The following PABPC1L variants were observed in gnomAD, a reference collection of about 807,000 sequenced individuals.
PABPC1L encodes the protein polyadenylate-binding protein 1-like.
A neutral mutation model predicts 66.6 loss-of-function variants in PABPC1L; 31 were observed. The ratio of observed to expected loss-of-function variants is 0.47; its 90% CI spans 0.35 to 0.63. The LOEUF is 0.63. Among genes scored for constraint, PABPC1L ranks in the 20% least tolerant of loss-of-function variants. The pLI is 0.00. For missense variants in PABPC1L, 722 were observed against 848.8 expected (o/e 0.85, Z 1.86); for synonymous variants, 348 against 335.1 (o/e 1.04, Z -0.42).
chr20:44,927,832 G>T (rs1298285714), intron 7 of PABPC1L, among the ~76,000 whole-genome samples: 1 of 152,010 alleles, frequency 6.6e-6, no homozygotes, highest in Non-Finnish European at 1.5e-5. Flanking sequence ...TGAGACTATA[G>T]GAGCACCACT....
intron 2 of PABPC1L, among the ~76,000 whole-genome samples, chr20:44,916,324 G>A (rs1316863324): frequency 1.3e-5 from 2 of 152,164 alleles, no homozygotes; most frequent in Non-Finnish European, 2.9e-5. Flanking sequence ...CCAGGATGGA[G>A]TTCAGTGGTG....
At chr20:44,938,365 G>C (rs1216388894) in intron 13 of PABPC1L, among the ~76,000 whole-genome samples, 174 bp downstream of exon 13, 1 of 152,224 alleles carries the variant, frequency 6.6e-6, no homozygotes, top group Non-Finnish European at 1.5e-5. Flanking sequence ...GTAAGGGTTT[G>C]CTACTTCAGC....
chr20:44,910,203 C>G lies in PABPC1L; in HGVS notation c.60C>G (p.Pro20=). The G allele has an allele frequency of 6.3e-7, 1 of 1,580,434 alleles. No homozygotes were observed. Among genetic ancestry groups the G allele is most frequent in the Non-Finnish European group, 8.6e-7 (1 of 1,163,510 alleles). ...LASLYVGDLH[P]DVTEAMLYEK... ...CGCTTTACGTGGGCGATCTGCACCC[C>G]GACGTGACCGAGGCCATGCTCTATG... Residue 20 remains proline (P), a synonymous_variant, in exon 1 of 15, where the codon CCC becomes CCG. Coordinates refer to ENST00000217073, the MANE Select transcript of PABPC1L (RefSeq NM_001372179.1).
chr20:44,910,343 C>T lies in PABPC1L; in HGVS notation c.193+7C>T, dbSNP rs1009901534. Reference sequence around the variant, plus strand: ...TTCCAGCAGCCCGCGGACGGTGAGCCCCGGGGATGGGGCGGGAGGGGAAGG... The same window carrying T: ...TTCCAGCAGCCCGCGGACGGTGAGCTCCGGGGATGGGGCGGGAGGGGAAGG... On this transcript the variant is annotated splice_region_variant and intron_variant, in intron 1 of 14. Transcript: ENST00000217073. 1.3e-6 allele frequency: 2 copies of T among 1,499,328 alleles called. No individual in the cohort carries two copies. The highest frequency in any genetic ancestry group is 1.3e-5 in the South Asian group (1 of 79,442). The allele number at this position is 1,499,328 out of a possible 1,614,324, so 92.9% of individuals were successfully genotyped here. A position where few individuals can be genotyped will look rare whatever the true frequency, so the allele number is the denominator to read the frequency against.
chr20:44,923,038 A>G (rs545845194), intron 6 of PABPC1L, among the ~76,000 whole-genome samples: 31 of 152,336 alleles, frequency 2.0e-4, no homozygotes, highest in African/African-American at 7.2e-4. Flanking sequence ...TCATCACATA[A>G]TCTGCAAGAG....
intron 6 of PABPC1L, among the ~76,000 whole-genome samples, chr20:44,922,167 A>C (rs934688030): frequency 6.6e-6 from 1 of 152,202 alleles, no homozygotes; most frequent in African/African-American, 2.4e-5. Flanking sequence ...AATTATGTGG[A>C]GTTAATAATT....
chr20:44,919,373 C>T lies in PABPC1L; in HGVS notation c.738+96C>T, dbSNP rs1426137374. The T allele has an allele frequency of 5.8e-6, 8 of 1,380,326 alleles. No homozygotes were observed. The East Asian group carries it at 1.7e-4, about 30-fold the overall frequency. 85.5% of individuals were successfully genotyped at this position (1,380,326 alleles called of 1,614,324 possible). Reference sequence around the variant, plus strand: ...GCCTGTGGAGGGGAAGAAAGTCCCTCCCCGGCCTAAGCCAAGAGGGTGGGA... The same window carrying T: ...GCCTGTGGAGGGGAAGAAAGTCCCTTCCCGGCCTAAGCCAAGAGGGTGGGA... On this transcript the variant is annotated intron_variant, in intron 5 of 14. Transcript: ENST00000217073.
intron 5 of PABPC1L, among the ~76,000 whole-genome samples, chr20:44,920,938 A>T (rs879651861): frequency 2.1e-5 from 3 of 141,358 alleles, no homozygotes; most frequent in Non-Finnish European, 4.6e-5. Context: ...TCAGCCTCCT[A>T]AGTAGCTGGG....
rs112600533 is a variant in PABPC1L, at chr20:44,930,352, C to T, written c.973-108C>T. ...CTACATCCCTCCATCACAGCTTTCT[C>T]GCGGGCCTGCCCAGTGCTGGGCTTA... On this transcript the variant is annotated intron_variant, in intron 7 of 14. Coordinates refer to ENST00000217073, the MANE Select transcript of PABPC1L (RefSeq NM_001372179.1). The T allele has an allele frequency of 2.6e-3, 3,662 of 1,415,910 alleles. 61 individuals carry two copies. The African/African-American group carries it at 0.038, about 15-fold the overall frequency. The allele number at this position is 1,415,910 out of a possible 1,614,324, so 87.7% of individuals were successfully genotyped here. A position where few individuals can be genotyped will look rare whatever the true frequency, so the allele number is the denominator to read the frequency against.
intron 2 of PABPC1L, 147 bp downstream of exon 2, chr20:44,913,000 CTTTCAG>C (rs1181555072): frequency 2.2e-5 from 15 of 673,874 alleles, no homozygotes; most frequent in African/African-American, 2.1e-4. Context: ...GACAGCCGTT[CTTTCAG>C]TTTCATCTTC....
rs963304815 is a variant in PABPC1L, at chr20:44,931,373, C to T, written c.1239+647C>T. On this transcript the variant is annotated intron_variant, in intron 8 of 14. Transcript: ENST00000217073. ...TTTGTTTATTTTAAAGAAGGGGTCT[C>T]GCCATGTTGCCCAGGCTGGTCTCAA... Among the ~76,000 whole-genome samples, 115 of 151,840 alleles carry T rather than the reference C, an allele frequency of 7.6e-4. 1 individual carries two copies. The highest frequency in any genetic ancestry group is 2.7e-3 in the African/African-American group (110 of 41,388).
At chr20:44,927,258 C>A (rs908992949) in intron 7 of PABPC1L, among the ~76,000 whole-genome samples, 8 of 152,048 alleles carry the variant, frequency 5.3e-5, no homozygotes, top group African/African-American at 1.9e-4. Flanking sequence ...ATACCACTAT[C>A]AAGTTCATGG....
chr20:44,913,293 C>G (rs562021000), intron 2 of PABPC1L, among the ~76,000 whole-genome samples: 1 of 152,284 alleles, frequency 6.6e-6, no homozygotes, highest in South Asian at 2.1e-4. Flanking sequence ...CTCCAGTAGG[C>G]TAGTCCAGGC....
intron 10 of PABPC1L, among the ~76,000 whole-genome samples, chr20:44,934,046 C>A (rs757499412): frequency 1.7e-4 from 26 of 152,194 alleles, no homozygotes; most frequent in Admixed American, 1.7e-3. Context: ...GCCACCATGC[C>A]CGGCTTGTTG....
intron 7 of PABPC1L, among the ~76,000 whole-genome samples, chr20:44,927,702 CTT>C (rs1404471647): frequency 6.6e-6 from 1 of 152,152 alleles, no homozygotes; most frequent in Non-Finnish European, 1.5e-5. Flanking sequence ...TTTTTAAAAA[CTT>C]TTTTGAGACA....
At chr20:44,914,204 CTT>C (rs1201412446) in intron 2 of PABPC1L, among the ~76,000 whole-genome samples, 8 of 114,358 alleles carry the variant, frequency 7.0e-5, no homozygotes, top group Admixed American at 1.9e-4. Context: ...TGTGTCAGAA[CTT>C]TTTTTTTTTT....
rs778724144 is a variant in PABPC1L, at chr20:44,921,631, G to A, written c.776G>A (p.Arg259Gln). The A allele has an allele frequency of 1.4e-5, 23 of 1,613,904 alleles. No homozygotes were observed. The highest frequency in any genetic ancestry group is 6.7e-5 in the Admixed American group (4 of 59,976). The change falls in exon 6 of 15, where the codon CGG (arginine) becomes CAG (glutamine). Residue 259 changes from arginine to glutamine, a missense_variant. Arg to Gln is a conservative substitution (Grantham distance 43). Coordinates refer to ENST00000217073, the MANE Select transcript of PABPC1L (RefSeq NM_001372179.1). ...VHMNGKEVSG[R>Q]LLYAGRAQKR... is the part of the protein sequence containing the mutation. ...ATGAACGGGAAGGAGGTGAGCGGGC[G>A]GCTGCTGTACGCGGGCCGGGCCCAA...
chr20:44,924,111 T>C lies in PABPC1L; in HGVS notation c.877-50T>C, dbSNP rs1010743489. 18 of 1,467,644 alleles carry C rather than the reference T, an allele frequency of 1.2e-5. No individual in the cohort carries two copies. The Admixed American group carries it at 1.8e-4, about 15-fold the overall frequency. 90.9% of individuals were successfully genotyped at this position (1,467,644 alleles called of 1,614,324 possible). Reference sequence around the variant, plus strand: ...CAGTTCCCTGATCTCCCCAAGGCAGTTGGGGCTTGGAGGAGAAGGGGACAT... The same window carrying C: ...CAGTTCCCTGATCTCCCCAAGGCAGCTGGGGCTTGGAGGAGAAGGGGACAT... On this transcript the variant is annotated intron_variant, in intron 6 of 14. Coordinates refer to ENST00000217073, the MANE Select transcript of PABPC1L (RefSeq NM_001372179.1).
chr20:44,914,128 C>T (rs2066722622), intron 2 of PABPC1L, among the ~76,000 whole-genome samples: 1 of 151,076 alleles, frequency 6.6e-6, no homozygotes, highest in African/African-American at 2.4e-5. Flanking sequence ...GATAGTTGAT[C>T]AGTTACCCCG....
Sources: gnomAD v4.1 joint callset for allele counts (sites outside exome capture counted in the v4.1 genomes callset) on GRCh38, gnomAD v4.1.1 for gene constraint, MANE v1.5 for transcripts, NCBI Gene and HGNC (gene_info 2026-07-23, HGNC 2026-07-21) for gene names.